FHOD3: variants seen among roughly 807,000 people sequenced by gnomAD.
FHOD3 encodes the protein formin homology 2 domain containing 3, also known as FH1/FH2 domain-containing protein 3.
Under a neutral mutation model 173.0 loss-of-function variants are expected in FHOD3, and 90 were observed. The ratio of observed to expected loss-of-function variants is 0.52; its 90% CI spans 0.44 to 0.62. The LOEUF (loss-of-function observed/expected upper bound fraction) is 0.62. Among genes scored for constraint, FHOD3 ranks in the 20% least tolerant of loss-of-function variants. The pLI is 0.00. For synonymous variants in FHOD3, 828 were observed against 823.0 expected (o/e 1.01, Z -0.10); for missense variants, 1,945 against 2,034.7 (o/e 0.96, Z 0.85).
chr18:36,340,520 T>A (rs1250715517), intron 1 of FHOD3, among the ~76,000 whole-genome samples: 3 of 152,098 alleles, frequency 2.0e-5, no homozygotes, highest in Non-Finnish European at 4.4e-5. Context: ...TCATCACATT[T>A]TCCAGTTGAC....
rs983992946 is a variant in FHOD3 at position 36,763,243 on chromosome 18, A to G, written c.4624+2461A>G. On this transcript the variant is annotated intron_variant, in intron 27 of 28. Transcript: ENST00000590592. ...ATACGTTATATACAATATGCGTATT[A>G]TACACGTTATATACAATATGCGTAT... Among the ~76,000 whole-genome samples, 5 of 145,774 alleles carry G rather than the reference A, an allele frequency of 3.4e-5. No homozygotes were observed. In the East Asian group the frequency reaches 8.1e-4, roughly 24 times the overall value.
chr18:36,687,258 G>T (rs949094581), intron 16 of FHOD3, 80 bp downstream of exon 16: 2 of 1,047,070 alleles, frequency 1.9e-6, no homozygotes, highest in Admixed American at 2.1e-5. Flanking sequence ...AGAGACTGTC[G>T]ATTAAAATAT....
At chr18:36,307,090 A>G (rs2092120609) in intron 1 of FHOD3, among the ~76,000 whole-genome samples, 1 of 152,030 alleles carries the variant, frequency 6.6e-6, no homozygotes, top group Admixed American at 6.6e-5. Context: ...CAGCCTCCCA[A>G]GTAGCTGGGA....
intron 1 of FHOD3, among the ~76,000 whole-genome samples, chr18:36,302,541 A>G (rs2091982402): frequency 6.6e-6 from 1 of 152,200 alleles, no homozygotes; most frequent in Non-Finnish European, 1.5e-5. Context: ...CCCTGTTCTC[A>G]GATAACTTCC....
At chr18:36,404,346 G>C (rs2048962953) in intron 3 of FHOD3, among the ~76,000 whole-genome samples, 1 of 152,260 alleles carries the variant, frequency 6.6e-6, no homozygotes, top group South Asian at 2.1e-4. Context: ...GACCTCTCCA[G>C]GTGTCTGCTT....
chr18:36,761,719 A>G (rs562364769), intron 27 of FHOD3, among the ~76,000 whole-genome samples: 1 of 151,816 alleles, frequency 6.6e-6, no homozygotes, highest in East Asian at 2.0e-4. Context: ...CAGAGACCCC[A>G]GTTAGATCTA....
At chr18:36,595,495 G>A (rs1599797461) in intron 7 of FHOD3, among the ~76,000 whole-genome samples, 1 of 151,692 alleles carries the variant, frequency 6.6e-6, no homozygotes, top group African/African-American at 2.4e-5. Context: ...CTCCCACCTC[G>A]GCTGTACCCC....
intron 5 of FHOD3, among the ~76,000 whole-genome samples, chr18:36,546,025 T>C (rs2057397102): frequency 2.0e-5 from 3 of 152,366 alleles, no homozygotes. Context: ...ACAACCAGTA[T>C]GAAATCCTTC....
intron 23 of FHOD3, among the ~76,000 whole-genome samples, chr18:36,744,762 T>C (rs913109252): frequency 6.6e-6 from 1 of 152,246 alleles, no homozygotes; most frequent in African/African-American, 2.4e-5. Context: ...CATGAACTTA[T>C]GCTTCATTAG....
intron 13 of FHOD3, among the ~76,000 whole-genome samples, chr18:36,656,375 A>G (rs1335391445): frequency 6.6e-6 from 1 of 152,156 alleles, no homozygotes; most frequent in Admixed American, 6.5e-5. Context: ...CTCAGAAACC[A>G]AGTCCCACAA....
intron 27 of FHOD3, among the ~76,000 whole-genome samples, chr18:36,766,558 A>G (rs998736122): frequency 2.0e-5 from 3 of 152,232 alleles, no homozygotes; most frequent in African/African-American, 7.2e-5. Flanking sequence ...TTCCAGGAAG[A>G]GGAATGTATA....
At chr18:36,441,412 C>T (rs1159722696) in intron 3 of FHOD3, among the ~76,000 whole-genome samples, 6 of 152,150 alleles carry the variant, frequency 3.9e-5, no homozygotes, top group Admixed American at 1.3e-4. Flanking sequence ...CAGAGTTGTA[C>T]GGGAACATAG....
intron 16 of FHOD3, among the ~76,000 whole-genome samples, chr18:36,690,392 C>T (rs1361293490): frequency 6.6e-6 from 1 of 152,124 alleles, no homozygotes; most frequent in African/African-American, 2.4e-5. Flanking sequence ...CTCTGTCGGT[C>T]TGTGGATTGA....
At chr18:36,441,071 C>G (rs1254718478) in intron 3 of FHOD3, among the ~76,000 whole-genome samples, 4 of 152,152 alleles carry the variant, frequency 2.6e-5, no homozygotes, top group Non-Finnish European at 5.9e-5. Flanking sequence ...GTCATTCTCT[C>G]TTATAGATTC....
At chr18:36,670,815 G>C (rs540252913) in intron 14 of FHOD3, among the ~76,000 whole-genome samples, 11 of 152,162 alleles carry the variant, frequency 7.2e-5, no homozygotes, top group African/African-American at 2.6e-4. Flanking sequence ...TTTGAGCTTT[G>C]TTCTGGGATG....
At chr18:36,653,631 A>T (rs2036214736) in intron 13 of FHOD3, among the ~76,000 whole-genome samples, 2 of 152,048 alleles carry the variant, frequency 1.3e-5, no homozygotes, top group African/African-American at 4.8e-5. Flanking sequence ...GCAAATCAGA[A>T]CTCCCCCAAG....
chr18:36,436,701 G>A (rs1465668276), intron 3 of FHOD3, among the ~76,000 whole-genome samples: 8 of 152,176 alleles, frequency 5.3e-5, no homozygotes, highest in Non-Finnish European at 1.5e-5. Flanking sequence ...ATGTATGGTA[G>A]TAGCTACTGA....
chr18:36,479,529 C>G (rs940785789), intron 3 of FHOD3, among the ~76,000 whole-genome samples: 1 of 152,100 alleles, frequency 6.6e-6, no homozygotes, highest in Non-Finnish European at 1.5e-5. Flanking sequence ...TGCCTTGCAT[C>G]TGTCCTAACA....
intron 3 of FHOD3, among the ~76,000 whole-genome samples, chr18:36,416,591 G>T (rs939792006): frequency 6.6e-6 from 1 of 152,150 alleles, no homozygotes; most frequent in Non-Finnish European, 1.5e-5. Flanking sequence ...ATGTAATTTT[G>T]ATTTGTGAGG....
Sources: allele counts gnomAD v4.1 joint callset (sites outside exome capture counted in the v4.1 genomes callset), GRCh38; gene constraint gnomAD v4.1.1; transcripts MANE v1.5; gene names NCBI Gene and HGNC (gene_info 2026-07-23, HGNC 2026-07-21).